RAB28: variants seen among roughly 807,000 people sequenced by gnomAD.
RAB28 encodes ras-related protein Rab-28.
Under a neutral mutation model 31.7 loss-of-function variants are expected in RAB28, and 24 were observed. That is an observed-to-expected ratio of 0.76 (90% confidence interval 0.55 to 1.06). The LOEUF is 1.06. Among genes scored for constraint, RAB28 ranks in the 50% least tolerant of loss-of-function variants. The pLI is 0.00. For missense variants in RAB28, 254 were observed against 258.5 expected (o/e 0.98, Z 0.12); for synonymous variants, 100 against 90.4 (o/e 1.11, Z -0.60).
intron 4 of RAB28, among the ~76,000 whole-genome samples, chr4:13,446,138 G>T (rs1205402589): frequency 6.6e-6 from 1 of 152,158 alleles, no homozygotes; most frequent in East Asian, 1.9e-4. Flanking sequence ...ATTCTGCCCA[G>T]TTCAAACCTC....
chr4:13,404,432 A>G (rs1001332280), intron 4 of RAB28, among the ~76,000 whole-genome samples: 2 of 152,194 alleles, frequency 1.3e-5, no homozygotes, highest in Non-Finnish European at 2.9e-5. Context: ...AAAAGTTACA[A>G]GTAAAGATAT....
At chr4:13,462,687 C>CT (rs1715652776) in intron 3 of RAB28, among the ~76,000 whole-genome samples, 1 of 152,180 alleles carries the variant, frequency 6.6e-6, no homozygotes, top group Non-Finnish European at 1.5e-5. Context: ...TAGATGGTCT[C>CT]TAAGATCCCT....
intron 1 of RAB28, among the ~76,000 whole-genome samples, chr4:13,479,983 G>A (rs959888326): frequency 6.6e-6 from 1 of 151,562 alleles, no homozygotes; most frequent in Non-Finnish European, 1.5e-5. Context: ...TCTGCTTACA[G>A]AATTTTTCTT....
intron 4 of RAB28, among the ~76,000 whole-genome samples, chr4:13,410,387 T>C (rs1712366850): frequency 6.6e-6 from 1 of 152,112 alleles, no homozygotes; most frequent in Non-Finnish European, 1.5e-5. Context: ...ATCTAGTACC[T>C]ACCTACCATT....
intron 4 of RAB28, among the ~76,000 whole-genome samples, chr4:13,448,821 A>G (rs897443130): frequency 6.6e-6 from 1 of 152,034 alleles, no homozygotes; most frequent in African/African-American, 2.4e-5. Context: ...TTCTCTTTCA[A>G]TATATAGAAT....
intron 4 of RAB28, among the ~76,000 whole-genome samples, chr4:13,447,157 G>A (rs577722573): frequency 3.9e-5 from 6 of 151,962 alleles, no homozygotes; most frequent in East Asian, 3.9e-4. Flanking sequence ...AGATTACATC[G>A]AAAGCCTCCT....
chr4:13,408,595 C>T (rs1712239816), intron 4 of RAB28, among the ~76,000 whole-genome samples: 1 of 151,794 alleles, frequency 6.6e-6, no homozygotes, highest in Non-Finnish European at 1.5e-5. Context: ...CTTTTTAAAA[C>T]TCTGCATAAT....
intron 4 of RAB28, among the ~76,000 whole-genome samples, chr4:13,452,683 A>G (rs1301451202): frequency 6.6e-6 from 1 of 152,026 alleles, no homozygotes; most frequent in East Asian, 1.9e-4. Context: ...TTGTATCCTA[A>G]CACATGGGTC....
chr4:13,474,156 G>A, intron 3 of RAB28, 162 bp downstream of exon 3: 1 of 744,982 alleles, frequency 1.3e-6, no homozygotes, highest in South Asian at 1.4e-5. Flanking sequence ...AATTAGGAGA[G>A]CATGAAACCA....
chr4:13,423,408 ATACCT>A (rs1470201217), intron 4 of RAB28, among the ~76,000 whole-genome samples: 6 of 151,828 alleles, frequency 4.0e-5, no homozygotes, highest in Non-Finnish European at 7.4e-5. Flanking sequence ...GTGGTGGCAG[ATACCT>A]GTAATCCCAG....
intron 4 of RAB28, among the ~76,000 whole-genome samples, chr4:13,414,643 G>T (rs912327901): frequency 6.6e-6 from 1 of 152,160 alleles, no homozygotes; most frequent in Non-Finnish European, 1.5e-5. Context: ...ACCAGACAAG[G>T]CTGGTACAAA....
At chr4:13,433,203 A>G (rs948064905) in intron 4 of RAB28, among the ~76,000 whole-genome samples, 2 of 151,666 alleles carry the variant, frequency 1.3e-5, no homozygotes, top group Admixed American at 1.3e-4. Context: ...CAGACTTTAA[A>G]CCAACAACAG....
intron 4 of RAB28, among the ~76,000 whole-genome samples, chr4:13,431,039 G>A (rs1713780492): frequency 6.6e-6 from 1 of 152,174 alleles, no homozygotes; most frequent in African/African-American, 2.4e-5. Context: ...CAAAGAAAGT[G>A]TCTTTTGTGC....
At chr4:13,471,964 T>C (rs1716141899) in intron 3 of RAB28, among the ~76,000 whole-genome samples, 1 of 152,064 alleles carries the variant, frequency 6.6e-6, no homozygotes, top group South Asian at 2.1e-4. Context: ...GACATTTTAC[T>C]AAACTTACGG....
intron 4 of RAB28, among the ~76,000 whole-genome samples, chr4:13,416,030 C>T (rs542346540): frequency 2.6e-5 from 4 of 152,288 alleles, no homozygotes; most frequent in African/African-American, 7.2e-5. Context: ...CTTGGAGAAC[C>T]TTTGTGTCTA....
chr4:13,405,329 TG>T (rs1712013827), intron 4 of RAB28, among the ~76,000 whole-genome samples: 1 of 152,176 alleles, frequency 6.6e-6, no homozygotes, highest in African/African-American at 2.4e-5. Context: ...ATATGTTCTA[TG>T]AAGCTGAAAC....
intron 4 of RAB28, among the ~76,000 whole-genome samples, chr4:13,448,494 T>C (rs1714809167): frequency 2.0e-5 from 3 of 152,052 alleles, no homozygotes; most frequent in South Asian, 4.1e-4. Flanking sequence ...TTAGACAAAG[T>C]AAATTACAGT....
chr4:13,386,315 A>G (rs1729366009), intron 4 of RAB28, among the ~76,000 whole-genome samples: 2 of 152,194 alleles, frequency 1.3e-5, no homozygotes, highest in South Asian at 4.1e-4. Context: ...CAACAGAGTA[A>G]ACAGACAACC....
intron 1 of RAB28, among the ~76,000 whole-genome samples, chr4:13,482,521 G>A (rs552734752): frequency 2.5e-3 from 379 of 152,132 alleles, no homozygotes; most frequent in South Asian, 5.0e-3. Flanking sequence ...ACCTTAGACG[G>A]CCTTCAAAAG....
Sources: allele counts gnomAD v4.1 joint callset (sites outside exome capture counted in the v4.1 genomes callset), GRCh38; gene constraint gnomAD v4.1.1; transcripts MANE v1.5; gene names NCBI Gene and HGNC (gene_info 2026-07-23, HGNC 2026-07-21).